CHODL: variants seen among roughly 807,000 people sequenced by gnomAD.
CHODL encodes transmembrane protein MT75.
A neutral mutation model predicts 34.5 loss-of-function variants in CHODL; 29 were observed. The observed-to-expected ratio is 0.84, with a 90% confidence interval of 0.63 to 1.15. The LOEUF (loss-of-function observed/expected upper bound fraction) is 1.15, where lower values mean the gene tolerates loss of function less well. CHODL is among the 50% of genes most tolerant of loss of function. The pLI, the probability that CHODL is intolerant of heterozygous loss-of-function variation, is 0.00. For missense variants in CHODL, 332 were observed against 332.5 expected, an observed-to-expected ratio of 1.00 and a Z score of 0.01; for synonymous variants, 125 against 116.1, an observed-to-expected ratio of 1.08 and a Z score of -0.49.
chr21:18,153,695 TAGAG>T (rs1304199899), intron 2 of CHODL, among the ~76,000 whole-genome samples: 1 of 152,152 alleles, frequency 6.6e-6, no homozygotes. Flanking sequence ...AATCAACTGA[TAGAG>T]AAAGAGTTCT....
chr21:18,236,256 AACTT>A (rs763643401), intron 2 of CHODL, among the ~76,000 whole-genome samples: 2 of 152,044 alleles, frequency 1.3e-5, no homozygotes, highest in Non-Finnish European at 2.9e-5. Context: ...AGCTTGTGAG[AACTT>A]ACTTACATCA....
chr21:17,935,038 C>T (rs1160576960), intron 1 of CHODL, among the ~76,000 whole-genome samples: 1 of 152,050 alleles, frequency 6.6e-6, no homozygotes, highest in African/African-American at 2.4e-5. Context: ...TTGCAAATAT[C>T]ATGAGAGAAT....
intron 1 of CHODL, among the ~76,000 whole-genome samples, chr21:17,952,905 G>A (rs547442328): frequency 2.0e-5 from 3 of 152,238 alleles, no homozygotes; most frequent in South Asian, 4.1e-4. Context: ...CATCTTACAT[G>A]GCAGCAGGAG....
intron 1 of CHODL, among the ~76,000 whole-genome samples, chr21:17,935,026 ATTT>A (rs2063308087): frequency 6.6e-6 from 1 of 152,148 alleles, no homozygotes; most frequent in Admixed American, 6.5e-5. Flanking sequence ...AAATTCTAGT[ATTT>A]GCAAATATCA....
At position 18,067,063 on chromosome 21, in the gene CHODL, G is replaced by A. The variant is rs2064740919; in HGVS notation, c.-45+39092G>A. 2.0e-5 allele frequency among the ~76,000 whole-genome samples: 3 copies of A among 152,226 alleles called. No homozygotes were observed. In the South Asian group the frequency reaches 6.2e-4, roughly 32 times the overall value. On this transcript the variant is annotated intron_variant, in intron 2 of 6. Coordinates refer to the CHODL transcript ENST00000400127. ...TCTAGTGAACTAATACAGGGAGGTA[G>A]AAGAATCTTCATGGGTTATGTTTTA...
In CHODL at chr21:18,239,518, G is replaced by A. The variant is rs529731774; in HGVS notation, c.-44-16991G>A. Among the ~76,000 whole-genome samples, 10 of 151,978 alleles carry A rather than the reference G, an allele frequency of 6.6e-5. No individual in the cohort carries two copies. In the East Asian group the frequency reaches 1.9e-3, roughly 29 times the overall value. On this transcript the variant is annotated intron_variant, in intron 2 of 6. Transcript: ENST00000400127. Reference sequence around the variant, plus strand: ...TTTATTGCTATTATGGCTGGCTTTGGCACTATTGTTTCCTAGTCATTTGAT... The same window carrying A: ...TTTATTGCTATTATGGCTGGCTTTGACACTATTGTTTCCTAGTCATTTGAT...
intron 2 of CHODL, among the ~76,000 whole-genome samples, chr21:18,062,341 C>G (rs573590683): frequency 6.6e-6 from 1 of 151,922 alleles, no homozygotes; most frequent in Non-Finnish European, 1.5e-5. Context: ...CCTGAGTACC[C>G]GAGATTACAG....
At chr21:18,048,763 T>C (rs145792863) in intron 2 of CHODL, among the ~76,000 whole-genome samples, 2,053 of 152,034 alleles carry the variant, frequency 0.014, 38 homozygotes, top group African/African-American at 0.046. Context: ...TTTTTTTGGA[T>C]CTATTTTGCA....
intron 1 of CHODL, among the ~76,000 whole-genome samples, chr21:18,018,129 A>G (rs1463531720): frequency 6.6e-6 from 1 of 152,202 alleles, no homozygotes; most frequent in Non-Finnish European, 1.5e-5. Flanking sequence ...TTTTTATTTT[A>G]CAGGCTTATG....
At chr21:18,009,107 A>G (rs1196146360) in intron 1 of CHODL, among the ~76,000 whole-genome samples, 1 of 152,202 alleles carries the variant, frequency 6.6e-6, no homozygotes. Context: ...TTGCATTCTC[A>G]TCATTCTTCC....
intron 1 of CHODL, among the ~76,000 whole-genome samples, chr21:17,935,442 CT>C (rs1364620500): frequency 6.6e-6 from 1 of 152,192 alleles, no homozygotes; most frequent in Admixed American, 6.5e-5. Context: ...CTCCGTATTT[CT>C]TTTCCACAGC....
At chr21:18,250,792 TA>T (rs1350507118) in intron 1 of CHODL, among the ~76,000 whole-genome samples, 1 of 151,926 alleles carries the variant, frequency 6.6e-6, no homozygotes, top group Non-Finnish European at 1.5e-5. Flanking sequence ...GTGATTCTAA[TA>T]AAACATTCTA....
intron 1 of CHODL, among the ~76,000 whole-genome samples, chr21:17,989,650 C>A (rs1351238909): frequency 2.0e-5 from 3 of 152,074 alleles, no homozygotes; most frequent in Admixed American, 1.3e-4. Flanking sequence ...TTATTTTATA[C>A]CAACCTGCAA....
chr21:18,128,517 A>C (rs528287054), intron 2 of CHODL, among the ~76,000 whole-genome samples: 3 of 152,166 alleles, frequency 2.0e-5, no homozygotes, highest in East Asian at 3.9e-4. Context: ...AGTCTATGGT[A>C]TATTTGTTAT....
chr21:18,136,752 A>ATATG (rs1488266143), intron 2 of CHODL, among the ~76,000 whole-genome samples: 1 of 137,408 alleles, frequency 7.3e-6, no homozygotes, highest in Admixed American at 7.3e-5. Flanking sequence ...ATATATATAT[A>ATATG]TGTATACACA....
intron 2 of CHODL, among the ~76,000 whole-genome samples, chr21:18,211,444 C>T (rs1186541228): frequency 6.6e-6 from 1 of 152,104 alleles, no homozygotes; most frequent in African/African-American, 2.4e-5. Context: ...CAATCAATGG[C>T]CCAGCAATGA....
At chr21:17,933,718 C>T (rs2063295753) in intron 1 of CHODL, among the ~76,000 whole-genome samples, 1 of 152,102 alleles carries the variant, frequency 6.6e-6, no homozygotes, top group Non-Finnish European at 1.5e-5. Flanking sequence ...TAAGTGGGAG[C>T]TAAACAACAG....
At chr21:18,145,027 G>A (rs2072853761) in intron 2 of CHODL, among the ~76,000 whole-genome samples, 1 of 66,924 alleles carries the variant, frequency 1.5e-5, no homozygotes, top group South Asian at 6.1e-4. Flanking sequence ...AACAAATCTA[G>A]AATATTAATC....
chr21:17,952,044 G>A (rs1173678255), intron 1 of CHODL, among the ~76,000 whole-genome samples: 1 of 151,800 alleles, frequency 6.6e-6, no homozygotes, highest in Non-Finnish European at 1.5e-5. Flanking sequence ...GACCAGCCTG[G>A]GCAACATAGG....
Sources: allele counts gnomAD v4.1 joint callset (sites outside exome capture counted in the v4.1 genomes callset), GRCh38; gene constraint gnomAD v4.1.1; transcripts MANE v1.5; gene names NCBI Gene and HGNC (gene_info 2026-07-23, HGNC 2026-07-21).